HAT1: variants seen among roughly 807,000 people sequenced by gnomAD.
HAT1 encodes histone acetyltransferase 1, also known as histone acetyltransferase type B catalytic subunit.
Under a neutral mutation model 56.6 loss-of-function variants are expected in HAT1, and 20 were observed. That is an observed-to-expected ratio of 0.35 (90% confidence interval 0.25 to 0.51). HAT1 has a LOEUF of 0.51. Among genes scored for constraint, HAT1 ranks in the 20% least tolerant of loss-of-function variants. The pLI is 0.95. For synonymous variants in HAT1, 146 were observed against 165.5 expected (o/e 0.88, Z 0.91); for missense variants, 408 against 504.3 (o/e 0.81, Z 1.83).
chr2:171,927,440 G>A (rs1394544996), intron 2 of HAT1, among the ~76,000 whole-genome samples: 1 of 152,080 alleles, frequency 6.6e-6, no homozygotes, highest in Non-Finnish European at 1.5e-5. Context: ...TGAGATCTGC[G>A]TATTTTTTTT....
intron 4 of HAT1, among the ~76,000 whole-genome samples, chr2:171,956,157 G>T (rs76563171): frequency 6.9e-6 from 1 of 145,902 alleles, no homozygotes; most frequent in African/African-American, 2.6e-5. Context: ...TCCAGCCTGG[G>T]TGACAGTGAG....
intron 10 of HAT1, chr2:171,980,196 C>T (rs1688098534): frequency 6.6e-6 from 1 of 152,290 alleles, no homozygotes; most frequent in Non-Finnish European, 1.5e-5. Flanking sequence ...TTTAAAAAAT[C>T]TGAATGCCTA....
chr2:171,945,174 C>T (rs1687127047), intron 2 of HAT1, among the ~76,000 whole-genome samples: 1 of 151,850 alleles, frequency 6.6e-6, no homozygotes. Context: ...CCCAGCCCTC[C>T]AATTTTTCTT....
chr2:171,930,099 A>G (rs927869928), intron 2 of HAT1, among the ~76,000 whole-genome samples: 34 of 152,130 alleles, frequency 2.2e-4, no homozygotes, highest in African/African-American at 7.0e-4. Context: ...TCTTGCATGT[A>G]TTTTGTTAAA....
chr2:171,938,857 C>A (rs1686943905), intron 2 of HAT1, among the ~76,000 whole-genome samples: 1 of 152,092 alleles, frequency 6.6e-6, no homozygotes, highest in South Asian at 2.1e-4. Context: ...TCTCGTGCCT[C>A]AGCCTCCCAA....
intron 2 of HAT1, among the ~76,000 whole-genome samples, chr2:171,942,734 C>CCTTAGATCCGCCAAATA (rs1468208879): frequency 6.6e-6 from 1 of 152,068 alleles, no homozygotes; most frequent in African/African-American, 2.4e-5. Flanking sequence ...ACTGGTTGAA[C>CCTTAGATCCGCCAAATA]CTTAGATCCG....
At chr2:171,974,201 GAAAAAGA>G (rs1687902307) in intron 8 of HAT1, among the ~76,000 whole-genome samples, 10 of 83,506 alleles carry the variant, frequency 1.2e-4, no homozygotes, top group East Asian at 3.4e-4. Context: ...AAGAAAAAAA[GAAAAAGA>G]AAAAAAAAAA....
chr2:171,982,432 C>T (rs13422942), intron 10 of HAT1, among the ~76,000 whole-genome samples: 5 of 152,182 alleles, frequency 3.3e-5, no homozygotes, highest in Admixed American at 2.0e-4. Context: ...CTGTCCTCTC[C>T]ATCTCTGCTG....
Position 171,922,499 on chromosome 2 carries a change from A to G in HAT1, c.-2A>G. On this transcript the variant is annotated 5_prime_UTR_variant, in exon 1 of 11. Coordinates refer to ENST00000264108, the MANE Select transcript of HAT1 (RefSeq NM_003642.4). Reference sequence around the variant, plus strand: ...TCAGCCGCGGGTGATCGTAGCTCGGAAATGGCGGGTAAGTTACCGGGAAAA... The same window carrying G: ...TCAGCCGCGGGTGATCGTAGCTCGGGAATGGCGGGTAAGTTACCGGGAAAA... 7.6e-7 allele frequency: 1 copy of G among 1,319,286 alleles called. No homozygotes were observed. The highest frequency in any genetic ancestry group is 1.5e-5 in the African/African-American group (1 of 66,554). 81.7% of individuals were successfully genotyped at this position (1,319,286 alleles called of 1,614,324 possible).
At chr2:171,950,711 C>T (rs536522171) in intron 3 of HAT1, among the ~76,000 whole-genome samples, 1 of 152,296 alleles carries the variant, frequency 6.6e-6, no homozygotes, top group South Asian at 2.1e-4. Flanking sequence ...ACCCTGTTGG[C>T]CAGGCTGGTC....
intron 6 of HAT1, chr2:171,966,180 C>G: frequency 4.9e-6 from 3 of 610,520 alleles, no homozygotes; most frequent in Non-Finnish European, 8.8e-6. Flanking sequence ...ACCTATTCAT[C>G]TTTATAATAG....
At chr2:171,952,043 A>G (rs1558970879) in intron 3 of HAT1, among the ~76,000 whole-genome samples, 1 of 152,222 alleles carries the variant, frequency 6.6e-6, no homozygotes, top group South Asian at 2.1e-4. Context: ...TAAAAAAATC[A>G]GAATACAGCT....
chr2:171,926,571 G>T (rs763395901), intron 2 of HAT1, among the ~76,000 whole-genome samples: 1 of 152,098 alleles, frequency 6.6e-6, no homozygotes, highest in Non-Finnish European at 1.5e-5. Flanking sequence ...GGGATTACAG[G>T]CATGAGCCAC....
In HAT1 at chr2:171,922,592, T is replaced by C. The variant is rs1686466088; in HGVS notation, c.7+85T>C. The C allele has an allele frequency of 7.0e-6, 8 of 1,146,982 alleles. No individual in the cohort carries two copies. In the East Asian group the frequency reaches 1.4e-4, roughly 21 times the overall value. 71.1% of individuals were successfully genotyped at this position (1,146,982 alleles called of 1,614,324 possible). Reference sequence around the variant, plus strand: ...CGAGACGGTGGTGACAATGCCCGCCTAGAACTTTCGGGCTGTAGCCTGGGT... The same window carrying C: ...CGAGACGGTGGTGACAATGCCCGCCCAGAACTTTCGGGCTGTAGCCTGGGT... On this transcript the variant is annotated intron_variant, in intron 1 of 10. Coordinates refer to ENST00000264108, the MANE Select transcript of HAT1 (RefSeq NM_003642.4).
intron 8 of HAT1, among the ~76,000 whole-genome samples, chr2:171,975,865 T>C (rs1391491481): frequency 6.6e-6 from 1 of 151,646 alleles, no homozygotes; most frequent in African/African-American, 2.4e-5. Context: ...TTCTACTCTA[T>C]TATTATTATT....
chr2:171,959,968 G>T (rs1687536426), intron 4 of HAT1, among the ~76,000 whole-genome samples: 1 of 152,122 alleles, frequency 6.6e-6, no homozygotes, highest in Non-Finnish European at 1.5e-5. Flanking sequence ...GATTACCAGG[G>T]TTAAATCATT....
chr2:171,972,406 C>T (rs1342371323), intron 8 of HAT1, among the ~76,000 whole-genome samples: 3 of 152,024 alleles, frequency 2.0e-5, no homozygotes, highest in African/African-American at 7.2e-5. Context: ...GAACTACAGG[C>T]ACATGCCACC....
chr2:171,926,274 C>A (rs1295254931), intron 2 of HAT1, among the ~76,000 whole-genome samples: 1 of 152,068 alleles, frequency 6.6e-6, no homozygotes, highest in African/African-American at 2.4e-5. Flanking sequence ...TGTGCACCAC[C>A]CAAGCCTGGC....
intron 2 of HAT1, among the ~76,000 whole-genome samples, chr2:171,932,752 C>CT (rs745655208): frequency 1.5e-4 from 23 of 152,090 alleles, no homozygotes; most frequent in Non-Finnish European, 3.2e-4. Flanking sequence ...ACCCATAGTC[C>CT]TAGCTACTTG....
Sources: allele counts gnomAD v4.1 joint callset (sites outside exome capture counted in the v4.1 genomes callset), GRCh38; gene constraint gnomAD v4.1.1; transcripts MANE v1.5; gene names NCBI Gene and HGNC (gene_info 2026-07-23, HGNC 2026-07-21).